The following PDZRN4 variants were observed in gnomAD, a reference collection of about 807,000 sequenced individuals.
The protein encoded by PDZRN4 is PDZ domain containing ring finger 4.
PDZRN4 carries 70 observed loss-of-function variants against 99.0 expected under a neutral mutation model. That is an observed-to-expected ratio of 0.71 (90% confidence interval 0.58 to 0.86). PDZRN4 has a LOEUF of 0.86. Ranked by LOEUF, PDZRN4 falls within the 40% of genes least tolerant of loss-of-function variation. The pLI, the probability that PDZRN4 is intolerant of heterozygous loss-of-function variation, is 0.00. For synonymous variants in PDZRN4, 551 were observed against 501.6 expected (o/e 1.10, Z -1.32); for missense variants, 1,474 against 1,331.2 (o/e 1.11, Z -1.67).
rs376066842 is a variant in PDZRN4, at chr12:41,528,544, T to C, written c.1203+18631T>C. On this transcript the variant is annotated intron_variant, in intron 5 of 9. Transcript: ENST00000402685. ...TGGTCATCAGCAAAACTTCCATTCA[T>C]TGTGGAAACTCAAAAATTCTTGAGT... 1.4e-4 allele frequency among the ~76,000 whole-genome samples: 21 copies of C among 152,306 alleles called. No individual in the cohort carries two copies. In the East Asian group the frequency reaches 3.1e-3, roughly 22 times the overall value.
intron 3 of PDZRN4, among the ~76,000 whole-genome samples, chr12:41,421,268 A>C (rs1952487672): frequency 6.6e-6 from 1 of 152,050 alleles, no homozygotes; most frequent in South Asian, 2.1e-4. Context: ...GCATGATCTC[A>C]GCTCACTGCA....
intron 5 of PDZRN4, among the ~76,000 whole-genome samples, chr12:41,537,597 G>T (rs1938770390): frequency 6.6e-6 from 1 of 152,104 alleles, no homozygotes; most frequent in Admixed American, 6.5e-5. Context: ...GGCCTATAGT[G>T]TCAATCTGAG....
intron 5 of PDZRN4, among the ~76,000 whole-genome samples, chr12:41,538,236 A>G (rs1267327774): frequency 2.0e-5 from 3 of 152,208 alleles, no homozygotes; most frequent in Non-Finnish European, 2.9e-5. Flanking sequence ...AACAGCAACT[A>G]GAGCTAACTA....
At chr12:41,479,089 T>C (rs374826779) in intron 3 of PDZRN4, among the ~76,000 whole-genome samples, 1 of 152,162 alleles carries the variant, frequency 6.6e-6, no homozygotes, top group Non-Finnish European at 1.5e-5. Context: ...AAATACTCAA[T>C]ATCACAATTG....
intron 3 of PDZRN4, among the ~76,000 whole-genome samples, chr12:41,236,093 A>C (rs1951064824): frequency 6.6e-6 from 1 of 152,196 alleles, no homozygotes; most frequent in Admixed American, 6.5e-5. Context: ...AAGACATTGA[A>C]GAGTGATTGA....
intron 3 of PDZRN4, among the ~76,000 whole-genome samples, chr12:41,203,209 A>T (rs1950828517): frequency 6.6e-6 from 1 of 152,070 alleles, no homozygotes; most frequent in Non-Finnish European, 1.5e-5. Context: ...ATAGTTGTAT[A>T]TTAATTAAAC....
intron 3 of PDZRN4, among the ~76,000 whole-genome samples, chr12:41,314,296 C>T (rs1367911249): frequency 6.6e-6 from 1 of 152,106 alleles, no homozygotes. Context: ...TCTGATCCTC[C>T]AACCCTATAT....
intron 5 of PDZRN4, among the ~76,000 whole-genome samples, chr12:41,516,958 G>A (rs369676855): frequency 1.6e-4 from 24 of 151,992 alleles, no homozygotes; most frequent in African/African-American, 4.8e-4. Flanking sequence ...CCTAAATTGA[G>A]ATTCCTTTTT....
rs149503402 is a variant in PDZRN4, at chr12:41,245,780, C to T, written c.843+51592C>T. 7.6e-3 allele frequency among the ~76,000 whole-genome samples: 1,155 copies of T among 152,224 alleles called. 11 individuals are homozygous for T. The highest frequency in any genetic ancestry group is 0.01 in the Non-Finnish European group (693 of 68,014). ...AGAGGAAACAGTATTTAGACTGATT[C>T]CTCATGGAAATCAAAGCAAGAACTC... On this transcript the variant is annotated intron_variant, in intron 3 of 9. Transcript: ENST00000402685.
At chr12:41,430,393 C>T (rs1239914055) in intron 3 of PDZRN4, among the ~76,000 whole-genome samples, 1 of 151,610 alleles carries the variant, frequency 6.6e-6, no homozygotes, top group Non-Finnish European at 1.5e-5. Context: ...TACTTGAACC[C>T]AGGAGGCAGA....
At chr12:41,223,273 T>A (rs1396812094) in intron 3 of PDZRN4, among the ~76,000 whole-genome samples, 1 of 152,186 alleles carries the variant, frequency 6.6e-6, no homozygotes, top group Non-Finnish European at 1.5e-5. Flanking sequence ...ACTTTTATGA[T>A]GGTTTGTGTA....
rs577158995 is a variant in PDZRN4, at chr12:41,218,926, T to C, written c.843+24738T>C. ...ATTCCAATAGCTAGGAATATTATTTTTCCTAGAATATTCCTAGATGTAGGA... is the reference window on the plus strand; with the variant it reads ...ATTCCAATAGCTAGGAATATTATTTCTCCTAGAATATTCCTAGATGTAGGA... On this transcript the variant is annotated intron_variant, in intron 3 of 9. Coordinates refer to ENST00000402685, the MANE Select transcript of PDZRN4 (RefSeq NM_001164595.2). Among the ~76,000 whole-genome samples, 11 of 152,226 alleles carry C rather than the reference T, an allele frequency of 7.2e-5. No individual in the cohort carries two copies. The South Asian group carries it at 2.1e-3, about 29-fold the overall frequency.
chr12:41,348,829 A>G (rs1318125939), intron 3 of PDZRN4, among the ~76,000 whole-genome samples: 1 of 152,062 alleles, frequency 6.6e-6, no homozygotes, highest in East Asian at 1.9e-4. Context: ...TTCACATCAT[A>G]GCTCTCTTTT....
Position 41,188,391 on chromosome 12 carries a change from G to T in PDZRN4, c.-65G>T. ...ACGGCTGCCCCGGGGGTGGCCCGGG[G>T]AAGGCAGGGGGGCTCGGAGAAGACG... On this transcript the variant is annotated 5_prime_UTR_variant, in exon 1 of 10. Transcript: ENST00000402685. 1 of 1,412,778 alleles carries T rather than the reference G, an allele frequency of 7.1e-7. No individual in the cohort carries two copies. Among genetic ancestry groups the T allele is most frequent in the East Asian group, 2.7e-5 (1 of 37,302 alleles). The allele number at this position is 1,412,778 out of a possible 1,614,324, so 87.5% of individuals were successfully genotyped here. A position where few individuals can be genotyped will look rare whatever the true frequency, so the allele number is the denominator to read the frequency against.
chr12:41,504,387 G>A (rs769401815), intron 3 of PDZRN4, among the ~76,000 whole-genome samples: 20 of 152,130 alleles, frequency 1.3e-4, no homozygotes, highest in Non-Finnish European at 2.6e-4. Flanking sequence ...CTAAACTCAG[G>A]GTACATCCTG....
At chr12:41,523,060 C>G (rs887631539) in intron 5 of PDZRN4, among the ~76,000 whole-genome samples, 1 of 152,036 alleles carries the variant, frequency 6.6e-6, no homozygotes, top group Non-Finnish European at 1.5e-5. Context: ...GAAGTGCACT[C>G]AAATCAGACT....
intron 2 of PDZRN4, 59 bp from the exon 3 acceptor site, chr12:41,194,022 C>G: frequency 1.3e-6 from 1 of 763,044 alleles, no homozygotes; most frequent in Non-Finnish European, 2.3e-6. Context: ...GTAAATTGTC[C>G]CTAATAATAT....
chr12:41,354,984 A>G (rs1238576448), intron 3 of PDZRN4, among the ~76,000 whole-genome samples: 2 of 152,082 alleles, frequency 1.3e-5, no homozygotes, highest in Non-Finnish European at 2.9e-5. Context: ...ATGTTAGTAG[A>G]TGCAAAGCAC....
At chr12:41,288,336 C>T (rs1314750117) in intron 3 of PDZRN4, among the ~76,000 whole-genome samples, 4 of 152,120 alleles carry the variant, frequency 2.6e-5, no homozygotes, top group South Asian at 2.1e-4. Flanking sequence ...GTATGCCATA[C>T]GGCTCTGGAT....
Sources: gnomAD v4.1 joint callset for allele counts (sites outside exome capture counted in the v4.1 genomes callset) on GRCh38, gnomAD v4.1.1 for gene constraint, MANE v1.5 for transcripts, NCBI Gene and HGNC (gene_info 2026-07-23, HGNC 2026-07-21) for gene names.